Variants in NRDC observed in about 807,000 individuals in gnomAD.
The protein encoded by NRDC is nardilysin.
Under a neutral mutation model 147.1 loss-of-function variants are expected in NRDC, and 54 were observed. The observed-to-expected ratio is 0.37, with a 90% confidence interval of 0.29 to 0.46. NRDC has a LOEUF of 0.46. NRDC is among the 20% of genes least tolerant of loss of function. The pLI is 1.00. For synonymous variants in NRDC, 440 were observed against 482.1 expected, an observed-to-expected ratio of 0.91 and a Z score of 1.14; for missense variants, 1,082 against 1,370.6, an observed-to-expected ratio of 0.79 and a Z score of 3.33.
At chr1:51,790,365 G>A (rs950736157) in intron 29 of NRDC, among the ~76,000 whole-genome samples, 168 bp downstream of exon 29, 18 of 152,192 alleles carry the variant, frequency 1.2e-4, no homozygotes, top group African/African-American at 4.1e-4. Flanking sequence ...GGCCACCTAA[G>A]GTGCTAGAGA....
intron 2 of NRDC, among the ~76,000 whole-genome samples, chr1:51,837,994 A>G (rs996145152): frequency 2.0e-5 from 3 of 152,228 alleles, no homozygotes; most frequent in Admixed American, 2.0e-4. Context: ...GCCACCTCTT[A>G]CCAAGGCTAA....
intron 27 of NRDC, 88 bp downstream of exon 27, chr1:51,791,489 AG>A: frequency 9.5e-7 from 1 of 1,051,588 alleles, no homozygotes; most frequent in East Asian, 2.4e-5. Context: ...CTGCTTGGTC[AG>A]GGTTGCCCAA....
At chr1:51,795,516 TAGAG>T (rs958011612) in intron 22 of NRDC, 5 of 191,084 alleles carry the variant, frequency 2.6e-5, no homozygotes, top group Middle Eastern at 2.4e-3. Context: ...AGAATGAAGA[TAGAG>T]AGAAAGGGGA....
intron 1 of NRDC, among the ~76,000 whole-genome samples, chr1:51,869,814 A>G (rs932697230): frequency 1.1e-4 from 16 of 152,242 alleles, no homozygotes; most frequent in Non-Finnish European, 8.8e-5. Context: ...CAATATCAGC[A>G]TACGCATTTG....
rs962915836 is a variant in NRDC, at chr1:51,840,215, A to G, written c.630+11T>C. ...ATTCCCAAATTAGAAGAAAACAGAC[A>G]TGACTCGCACCTGTTTTTCAGTAGT... is the stretch of plus-strand genomic sequence containing the variant. On this transcript the variant is annotated intron_variant, in intron 2 of 30. Coordinates refer to ENST00000352171, the MANE Select transcript of NRDC (RefSeq NM_001101662.2). 17 of 1,574,324 alleles carry G rather than the reference A, an allele frequency of 1.1e-5. No individual in the cohort carries two copies. Among genetic ancestry groups the G allele is most frequent in the Non-Finnish European group, 1.5e-5 (17 of 1,164,126 alleles).
At chr1:51,861,589 G>GC (rs532190332) in intron 1 of NRDC, among the ~76,000 whole-genome samples, 6 of 151,790 alleles carry the variant, frequency 4.0e-5, no homozygotes, top group African/African-American at 1.5e-4. Context: ...CAGGCAATCC[G>GC]CCCCCCTTGG....
chr1:51,870,843 T>C (rs1683050154), intron 1 of NRDC, among the ~76,000 whole-genome samples: 1 of 152,048 alleles, frequency 6.6e-6, no homozygotes, highest in South Asian at 2.1e-4. Context: ...CAGACAGTAA[T>C]CTATTACTGT....
intron 1 of NRDC, among the ~76,000 whole-genome samples, chr1:51,859,275 C>A (rs1682412907): frequency 6.6e-6 from 1 of 152,136 alleles, no homozygotes; most frequent in South Asian, 2.1e-4. Flanking sequence ...ATATGTGTTA[C>A]TTGTATGTAA....
chr1:51,859,288 T>C (rs1048751281), intron 1 of NRDC, among the ~76,000 whole-genome samples: 3 of 152,278 alleles, frequency 2.0e-5, no homozygotes, highest in African/African-American at 7.2e-5. Flanking sequence ...GTATGTAATA[T>C]TTAGTAAATA....
At chr1:51,818,650 G>A (rs575085306) in intron 9 of NRDC, among the ~76,000 whole-genome samples, 3 of 152,302 alleles carry the variant, frequency 2.0e-5, no homozygotes, top group African/African-American at 7.2e-5. Context: ...TCTCTGGAAA[G>A]AGTTAGTTTA....
Position 51,790,643 on chromosome 1 carries a change from C to G in NRDC, c.3058G>C (p.Ala1020Pro). The G allele has an allele frequency of 6.2e-7, 1 of 1,608,676 alleles. No individual in the cohort carries two copies. Among genetic ancestry groups the G allele is most frequent in the Non-Finnish European group, 8.5e-7 (1 of 1,175,032 alleles). ...TCACACTCCTTCAGCTTGATGAGAG[C>G]TGTGACCTGTTCCCACCAAAAAGAA... ...TEEAFNTQVTALIKLKECEDT... is the reference protein window; with the variant it reads ...TEEAFNTQVTPLIKLKECEDT... Residue 1020 changes from alanine (A) to proline (P), a missense_variant, in exon 29 of 31, where the codon GCT becomes CCT. Ala to Pro is a conservative substitution (Grantham distance 27, BLOSUM62 -1). This residue lies in a region of NRDC where 187 missense variants were observed against 193.6 expected (regional missense o/e 0.97). Coordinates refer to ENST00000352171, the MANE Select transcript of NRDC (RefSeq NM_001101662.2).
chr1:51,867,922 G>C (rs1306430611), intron 1 of NRDC, among the ~76,000 whole-genome samples: 3 of 152,200 alleles, frequency 2.0e-5, no homozygotes, highest in African/African-American at 7.2e-5. Context: ...TTTCTCTCCT[G>C]AAGATGGAAA....
At chr1:51,833,919 T>A in intron 4 of NRDC, 98 bp downstream of exon 4, 1 of 1,078,792 alleles carries the variant, frequency 9.3e-7, no homozygotes, top group Non-Finnish European at 1.3e-6. Flanking sequence ...CTGGTCCAAG[T>A]AAAGTATTGT....
intron 1 of NRDC, among the ~76,000 whole-genome samples, chr1:51,843,178 G>C (rs1361421784): frequency 6.6e-6 from 1 of 151,496 alleles, no homozygotes; most frequent in Non-Finnish European, 1.5e-5. Context: ...ACAGCAATAT[G>C]CCACCTCTAA....
Position 51,809,413 on chromosome 1 carries a change from A to G in NRDC, c.1904-12T>C. The G allele has an allele frequency of 6.5e-7, 1 of 1,539,230 alleles. No individual in the cohort carries two copies. The highest frequency in any genetic ancestry group is 9.0e-7 in the Non-Finnish European group (1 of 1,111,884). On this transcript the variant is annotated splice_polypyrimidine_tract_variant and intron_variant, in intron 16 of 30. Transcript: ENST00000352171. ...AGAGTTTTCAATATCTGTAAAGGAG[A>G]AAAATAAACTGACCCAATAAACAAT...
intron 6 of NRDC, among the ~76,000 whole-genome samples, chr1:51,824,826 T>C (rs970501037): frequency 3.3e-5 from 5 of 152,222 alleles, no homozygotes; most frequent in African/African-American, 1.2e-4. Context: ...ATAACTTGAC[T>C]GAAATTTAAA....
intron 1 of NRDC, chr1:51,878,052 GCTT>G: frequency 7.2e-7 from 1 of 1,398,580 alleles, no homozygotes; most frequent in South Asian, 1.7e-5. Context: ...GACTCGAAAA[GCTT>G]CTCCCATTCT....
intron 1 of NRDC, chr1:51,862,064 CA>C (rs953675404): frequency 1.3e-5 from 2 of 152,152 alleles, no homozygotes; most frequent in African/African-American, 4.8e-5. Flanking sequence ...AATGAGTTAT[CA>C]TAGGTAATTT....
chr1:51,862,964 C>T (rs116421646), intron 1 of NRDC, among the ~76,000 whole-genome samples: 4 of 120,720 alleles, frequency 3.3e-5, no homozygotes, highest in African/African-American at 1.3e-4. Flanking sequence ...GAGCTGAAAT[C>T]AGGCCACTGC....
Sources: gnomAD v4.1 joint callset for allele counts (sites outside exome capture counted in the v4.1 genomes callset) on GRCh38, gnomAD v4.1.1 for gene constraint, gnomAD v4.1.1 regional missense constraint, MANE v1.5 for transcripts, NCBI Gene and HGNC (gene_info 2026-07-23, HGNC 2026-07-21) for gene names.